The following CCDC57 variants were observed in gnomAD, a reference collection of about 807,000 sequenced individuals.
CCDC57 encodes coiled-coil domain containing 57.
A neutral mutation model predicts 118.9 loss-of-function variants in CCDC57; 118 were observed. The observed-to-expected ratio is 0.99, with a 90% CI of 0.86 to 1.16. CCDC57 has a LOEUF of 1.16. Ranked by LOEUF, CCDC57 falls within the 50% of genes most tolerant of loss-of-function variation. The pLI, the probability that CCDC57 is intolerant of heterozygous loss-of-function variation, is 0.00. For synonymous variants in CCDC57, 527 were observed against 532.9 expected, an observed-to-expected ratio of 0.99 and a Z score of 0.15; for missense variants, 1,300 against 1,320.7, an observed-to-expected ratio of 0.98 and a Z score of 0.24.
At chr17:82,204,513 G>A (rs944521412) in intron 2 of CCDC57, among the ~76,000 whole-genome samples, 1 of 152,240 alleles carries the variant, frequency 6.6e-6, no homozygotes, top group Non-Finnish European at 1.5e-5. Flanking sequence ...GCCGGGCGCA[G>A]TGGCTCATGC....
intron 1 of CCDC57, among the ~76,000 whole-genome samples, chr17:82,208,417 C>T (rs148703751): frequency 0.16 from 23,706 of 151,822 alleles, 2,239 homozygotes; most frequent in Non-Finnish European, 0.22. Flanking sequence ...CCACCATGCC[C>T]GGCTAATTTT....
At chr17:82,201,091 T>G (rs1375291387) in intron 3 of CCDC57, among the ~76,000 whole-genome samples, 1 of 152,182 alleles carries the variant, frequency 6.6e-6, no homozygotes, top group Admixed American at 6.5e-5. Context: ...GGCATGTGGT[T>G]GAGTTCCAGG....
chr17:82,184,031 G>GCGCGCACGCACA, intron 8 of CCDC57, 99 bp from the exon 8 acceptor site: 2 of 128,352 alleles, frequency 1.6e-5, no homozygotes, highest in Non-Finnish European at 3.0e-5. Context: ...GCGCGCGCGC[G>GCGCGCACGCACA]CACACACACA....
chr17:82,160,669 G>A (rs2043205735), intron 14 of CCDC57, among the ~76,000 whole-genome samples: 1 of 152,154 alleles, frequency 6.6e-6, no homozygotes, highest in South Asian at 2.1e-4. Context: ...GAGGTGAGGA[G>A]TTCGATACCA....
chr17:82,141,029 G>T (rs1317136774), intron 16 of CCDC57, among the ~76,000 whole-genome samples: 1 of 150,370 alleles, frequency 6.7e-6, no homozygotes, highest in African/African-American at 2.4e-5. Flanking sequence ...TCTTTTTTTT[G>T]AGATGGAGTC....
At chr17:82,158,892 G>A (rs756714576) in intron 14 of CCDC57, among the ~76,000 whole-genome samples, 2 of 144,084 alleles carry the variant, frequency 1.4e-5, no homozygotes, top group South Asian at 4.6e-4. Flanking sequence ...CTTGCTCTTC[G>A]CCCAAGCTGG....
Position 82,188,432 on chromosome 17 carries a change from G to C in CCDC57, c.852-13C>G. On this transcript the variant is annotated splice_polypyrimidine_tract_variant and intron_variant, in intron 7 of 19. Coordinates refer to ENST00000665763, the Ensembl canonical transcript of CCDC57. ...GAGCTCCTCATGCCTGAAACACAGT[G>C]AGTGTCCCATGGCGCTCACCCAGCC... The C allele has an allele frequency of 6.2e-7, 1 of 1,606,932 alleles. No individual in the cohort carries two copies. The highest frequency in any genetic ancestry group is 8.5e-7 in the Non-Finnish European group (1 of 1,178,078).
At chr17:82,184,070 C>CAT in intron 8 of CCDC57, 138 bp from the exon 8 acceptor site, 1 of 594,006 alleles carries the variant, frequency 1.7e-6, no homozygotes. Flanking sequence ...CACACACACA[C>CAT]ACACACACAC....
chr17:82,179,262 G>T, intron 9 of CCDC57, 73 bp from the exon 9 acceptor site: 5 of 1,507,716 alleles, frequency 3.3e-6, no homozygotes, highest in Non-Finnish European at 3.6e-6. Context: ...GAGGCACGAT[G>T]GGAAAGGCAG....
At chr17:82,129,041 C>T (rs1305910999) in intron 17 of CCDC57, among the ~76,000 whole-genome samples, 3 of 152,148 alleles carry the variant, frequency 2.0e-5, no homozygotes, top group Non-Finnish European at 4.4e-5. Flanking sequence ...GTCTCAGCCT[C>T]CCAAGTAGCT....
At chr17:82,189,059 G>A (rs2047329916) in intron 7 of CCDC57, among the ~76,000 whole-genome samples, 1 of 152,162 alleles carries the variant, frequency 6.6e-6, no homozygotes, top group African/African-American at 2.4e-5. Flanking sequence ...TTGAGCCCAG[G>A]AGTTGAAGAC....
At chr17:82,126,975 C>T (rs1456573686) in intron 19 of CCDC57, 13 of 985,250 alleles carry the variant, frequency 1.3e-5, no homozygotes, top group Admixed American at 6.2e-5. Context: ...TCCCGCAACT[C>T]CAGCTGCCTC....
chr17:82,136,703 T>A (rs897444875), intron 16 of CCDC57, among the ~76,000 whole-genome samples: 4 of 151,398 alleles, frequency 2.6e-5, no homozygotes, highest in African/African-American at 4.9e-5. Flanking sequence ...GCTCAAGCGA[T>A]CCTCCCACCT....
intron 5 of CCDC57, 170 bp from the exon 5 acceptor site, chr17:82,194,309 C>CTTTTTT (rs10626911): frequency 7.7e-6 from 4 of 517,948 alleles, no homozygotes; most frequent in Non-Finnish European, 9.7e-6. Context: ...GACTCAATGA[C>CTTTTTT]TTTTTTTTTT....
At chr17:82,184,573 G>T (rs1028002211) in intron 8 of CCDC57, among the ~76,000 whole-genome samples, 1 of 152,244 alleles carries the variant, frequency 6.6e-6, no homozygotes, top group African/African-American at 2.4e-5. Context: ...ACTTGCATGG[G>T]CGTAGCCCTG....
At chr17:82,171,967 T>A (rs899789539) in intron 12 of CCDC57, 114 bp from the exon 12 acceptor site, 46 of 1,057,906 alleles carry the variant, frequency 4.3e-5, no homozygotes, top group Non-Finnish European at 5.8e-5. Context: ...AGCTTCACTG[T>A]CCCTGTCCTC....
chr17:82,179,271 AG>A (rs906787358), intron 9 of CCDC57, 82 bp from the exon 9 acceptor site: 119 of 1,484,992 alleles, frequency 8.0e-5, no homozygotes, highest in Middle Eastern at 5.5e-4. Flanking sequence ...TGGGAAAGGC[AG>A]GGCTGCCGCT....
intron 19 of CCDC57, chr17:82,127,273 A>G: frequency 2.0e-6 from 2 of 985,274 alleles, no homozygotes; most frequent in Admixed American, 6.1e-5. Context: ...CCCCGGGAGC[A>G]TCGCTGGGGT....
At chr17:82,191,281 A>G (rs1162088914) in intron 7 of CCDC57, among the ~76,000 whole-genome samples, 2 of 152,080 alleles carry the variant, frequency 1.3e-5, no homozygotes, top group African/African-American at 4.8e-5. Flanking sequence ...AAACAGATGT[A>G]GAAGAAGCAG....
Sources: gnomAD v4.1 joint callset for allele counts (sites outside exome capture counted in the v4.1 genomes callset) on GRCh38, gnomAD v4.1.1 for gene constraint, MANE v1.5 for transcripts, NCBI Gene and HGNC (gene_info 2026-07-23, HGNC 2026-07-21) for gene names.